HMGXB3: variants seen among roughly 807,000 people sequenced by gnomAD.
HMGXB3 encodes HMG-box containing 3.
In HMGXB3, 45 loss-of-function variants were observed where a neutral mutation model predicts 121.5. The ratio of observed to expected loss-of-function variants is 0.37; its 90% confidence interval spans 0.29 to 0.47. HMGXB3 has a LOEUF of 0.47. HMGXB3 is among the 20% of genes least tolerant of loss of function. The pLI is 0.99. For missense variants in HMGXB3, 1,376 were observed against 1,602.2 expected, an observed-to-expected ratio of 0.86 and a Z score of 2.41; for synonymous variants, 590 against 624.1, an observed-to-expected ratio of 0.95 and a Z score of 0.81.
chr5:150,004,605 C>T (rs959185641), intron 1 of HMGXB3, among the ~76,000 whole-genome samples: 3 of 152,146 alleles, frequency 2.0e-5, no homozygotes, highest in African/African-American at 7.2e-5. Flanking sequence ...TGAGGAATCA[C>T]CTGAGGCATT....
chr5:150,008,088 CACACACACACAA>C (rs1347352298), intron 3 of HMGXB3, among the ~76,000 whole-genome samples: 2 of 150,634 alleles, frequency 1.3e-5, no homozygotes, highest in African/African-American at 4.9e-5. Flanking sequence ...CACACACACA[CACACACACACAA>C]ATCAGCAATC....
chr5:150,039,396 T>C (rs559095191), intron 13 of HMGXB3, among the ~76,000 whole-genome samples: 1 of 152,264 alleles, frequency 6.6e-6, no homozygotes, highest in South Asian at 2.1e-4. Flanking sequence ...CTAAATGACA[T>C]GGTTCAATTT....
At chr5:150,044,249 A>G (rs1459378266) in intron 15 of HMGXB3, among the ~76,000 whole-genome samples, 1 of 152,240 alleles carries the variant, frequency 6.6e-6, no homozygotes, top group East Asian at 1.9e-4. Flanking sequence ...GCTGTTATCC[A>G]TGAAGAGACT....
At chr5:150,004,611 G>C (rs1362896781) in intron 1 of HMGXB3, among the ~76,000 whole-genome samples, 1 of 152,176 alleles carries the variant, frequency 6.6e-6, no homozygotes, top group Non-Finnish European at 1.5e-5. Context: ...ATCACCTGAG[G>C]CATTTGTTAA....
At position 150,026,873 on chromosome 5, in the gene HMGXB3, C is replaced by G. The variant is rs1331449930; in HGVS notation, c.1628C>G (p.Ser543Cys). The G allele has an allele frequency of 6.6e-7, 1 of 1,510,068 alleles. No homozygotes were observed. The highest frequency in any genetic ancestry group is 2.5e-5 in the East Asian group (1 of 40,594). The allele number at this position is 1,510,068 out of a possible 1,614,324, so 93.5% of individuals were successfully genotyped here. The change falls in exon 8 of 20, where the codon TCC becomes TGC. Residue 543 changes from serine (S) to cysteine (C), a missense_variant. This residue lies in a region of HMGXB3 where 1,116 missense variants were observed against 1,369.0 expected (regional missense o/e 0.82). Coordinates refer to ENST00000502717, the MANE Select transcript of HMGXB3 (RefSeq NM_014983.3). Reference sequence around the variant, plus strand: ...CTGCCCAGGGCCAGGCAGGCCTTTTCCCTGAGTGGTAAGGGCTGGGACATA... The same window carrying G: ...CTGCCCAGGGCCAGGCAGGCCTTTTGCCTGAGTGGTAAGGGCTGGGACATA... ...MGLPRARQAF[S>C]LSDKTPSVRT...
chr5:150,001,404 G>C (rs1561842715), intron 1 of HMGXB3, among the ~76,000 whole-genome samples: 1 of 152,244 alleles, frequency 6.6e-6, no homozygotes, highest in Non-Finnish European at 1.5e-5. Context: ...ATGAGGGAAA[G>C]GAGCTAGCCC....
rs1360362956 is a variant in HMGXB3, at chr5:150,010,347, G to A, written c.549G>A (p.Leu183=). The A allele has an allele frequency of 6.4e-7, 1 of 1,551,604 alleles. No homozygotes were observed. Among genetic ancestry groups the A allele is most frequent in the African/African-American group, 1.4e-5 (1 of 73,042 alleles). Residue 183 remains leucine (L), a synonymous_variant, in exon 4 of 20, where the codon CTG becomes CTA. Transcript: ENST00000502717. Reference sequence around the variant, plus strand: ...ATGCAGGCATGGCAGAGCAGTGCCTGGCTGTGGAGGCCCTGGCTGAGGAGG... The same window carrying A: ...ATGCAGGCATGGCAGAGCAGTGCCTAGCTGTGGAGGCCCTGGCTGAGGAGG... ...PSHAGMAEQC[L]AVEALAEEVG...
chr5:150,017,122 T>C (rs113962606), intron 5 of HMGXB3, among the ~76,000 whole-genome samples: 22 of 152,202 alleles, frequency 1.4e-4, no homozygotes, highest in Non-Finnish European at 2.9e-4. Flanking sequence ...TCTAGAAAAG[T>C]GTTTTATGAT....
chr5:150,049,218 G>A (rs770264147), intron 18 of HMGXB3, among the ~76,000 whole-genome samples: 19 of 152,160 alleles, frequency 1.2e-4, no homozygotes, highest in Non-Finnish European at 2.2e-4. Flanking sequence ...GGGCTCCCCC[G>A]GGGGGCCAGA....
Position 150,012,972 on chromosome 5 carries a change from T to C in HMGXB3, c.909+619T>C, listed in dbSNP as rs376347940. Among the ~76,000 whole-genome samples, 387 of 152,376 alleles carry C rather than the reference T, an allele frequency of 2.5e-3. 2 individuals are homozygous for C. The Middle Eastern group carries it at 0.034, about 13-fold the overall frequency. On this transcript the variant is annotated intron_variant, in intron 5 of 19. Coordinates refer to ENST00000502717, the MANE Select transcript of HMGXB3 (RefSeq NM_014983.3). ...ATTCTACAACTTTGCTTAACTCACT[T>C]ATTAGTTCTGGTAACTTTTGTAGAT...
Position 150,052,431 on chromosome 5 carries a change from G to A in HMGXB3, c.*239G>A, listed in dbSNP as rs1581272319. 4 of 524,582 alleles carry A rather than the reference G, an allele frequency of 7.6e-6. No homozygotes were observed. Among genetic ancestry groups the A allele is most frequent in the Admixed American group, 3.3e-5 (1 of 30,704 alleles). The allele number at this position is 524,582 out of a possible 1,614,324, so 32.5% of individuals were successfully genotyped here. A position where few individuals can be genotyped will look rare whatever the true frequency, so the allele number is the denominator to read the frequency against. On this transcript the variant is annotated 3_prime_UTR_variant, in exon 20 of 20. Transcript: ENST00000502717. Reference sequence around the variant, plus strand: ...CTCTTCTGGCCCCGAGAGAGCACTTGGGGGACACGGTATGTTTAATGGAGG... The same window carrying A: ...CTCTTCTGGCCCCGAGAGAGCACTTAGGGGACACGGTATGTTTAATGGAGG...
chr5:150,044,358 A>G (rs990031907), intron 15 of HMGXB3, among the ~76,000 whole-genome samples: 1 of 152,180 alleles, frequency 6.6e-6, no homozygotes, highest in Non-Finnish European at 1.5e-5. Flanking sequence ...TGGAGAGGAT[A>G]GACTCAGCTG....
At chr5:150,026,964 A>T (rs1756246793) in intron 8 of HMGXB3, 56 bp from the exon 9 acceptor site, 2 of 1,537,294 alleles carry the variant, frequency 1.3e-6, no homozygotes, top group East Asian at 4.9e-5. Flanking sequence ...GGACATAGAG[A>T]CTTGGGGAGA....
intron 11 of HMGXB3, among the ~76,000 whole-genome samples, chr5:150,035,730 C>G (rs1325327068): frequency 6.6e-6 from 1 of 151,836 alleles, no homozygotes; most frequent in African/African-American, 2.4e-5. Context: ...GCTGCCTTGG[C>G]AAAAAGGATC....
In HMGXB3 at chr5:150,024,518, A is replaced by G. The variant is rs756410281; in HGVS notation, c.1298A>G (p.Asn433Ser). ...GTTTTGGTTAAGGAAGCTCCCGGGA[A>G]TTGTGGTACAGCAGTCACTAAGACG... ...AHVLVKEAPG[N>S]CGTAVTKTPV... The change falls in exon 7 of 20, where the codon AAT (asparagine) becomes AGT (serine). Residue 433 changes from asparagine to serine, a missense_variant. Around this residue, in one of 2 missense-constraint regions of HMGXB3, gnomAD observed 1,116 missense variants for 1,369.0 expected, o/e 0.82. Transcript: ENST00000502717. 4.5e-6 allele frequency: 7 copies of G among 1,551,634 alleles called. No homozygotes were observed. Among genetic ancestry groups the G allele is most frequent in the Non-Finnish European group, 6.1e-6 (7 of 1,146,970 alleles).
At chr5:150,022,986 ATTTT>A (rs56092645) in intron 6 of HMGXB3, among the ~76,000 whole-genome samples, 45,227 of 100,296 alleles carry the variant, frequency 0.45, 9,930 homozygotes, top group Non-Finnish European at 0.55. Context: ...TGCCTGGCTA[ATTTT>A]TTTTTTTTTT....
chr5:150,011,781 T>G (rs1393273574), intron 4 of HMGXB3, among the ~76,000 whole-genome samples: 1 of 151,616 alleles, frequency 6.6e-6, no homozygotes, highest in Non-Finnish European at 1.5e-5. Flanking sequence ...TTTTTGTATT[T>G]TTTTTTTTTT....
chr5:150,014,078 G>T (rs147565469), intron 5 of HMGXB3, among the ~76,000 whole-genome samples: 1 of 152,336 alleles, frequency 6.6e-6, no homozygotes, highest in East Asian at 1.9e-4. Flanking sequence ...GAAAAATTCA[G>T]GGTGCTAAAC....
intron 5 of HMGXB3, among the ~76,000 whole-genome samples, chr5:150,018,207 C>T (rs556301266): frequency 6.6e-6 from 1 of 152,282 alleles, no homozygotes; most frequent in African/African-American, 2.4e-5. Context: ...AGCATTTAAA[C>T]CTCAGTAGTA....
Sources: allele counts gnomAD v4.1 joint callset (sites outside exome capture counted in the v4.1 genomes callset), GRCh38; gene constraint gnomAD v4.1.1; regional missense constraint gnomAD v4.1.1; transcripts MANE v1.5; gene names NCBI Gene and HGNC (gene_info 2026-07-23, HGNC 2026-07-21).